Variants in RASEF observed in about 807,000 individuals in gnomAD.
The protein encoded by RASEF is RAS and EF-hand domain containing.
Under a neutral mutation model 90.1 loss-of-function variants are expected in RASEF, and 68 were observed. The ratio of observed to expected loss-of-function variants is 0.75; its 90% CI spans 0.62 to 0.92. The LOEUF (loss-of-function observed/expected upper bound fraction) is 0.92. Among genes scored for constraint, RASEF ranks in the 40% least tolerant of loss-of-function variants. The probability of loss-of-function intolerance (pLI) is 0.00; values close to 1 mark genes in which losing one functional copy is unlikely to be tolerated. For synonymous variants in RASEF, 331 were observed against 345.2 expected (o/e 0.96, Z 0.46); for missense variants, 949 against 937.2 (o/e 1.01, Z -0.16).
the RASEF span, among the ~76,000 whole-genome samples, chr9:83,155,417 T>C: frequency 0.021 from 3,239 of 152,264 alleles, 119 homozygotes; most frequent in African/African-American, 0.073. Flanking sequence ...ATGCCTTACA[T>C]GGCAGCAGAC....
chr9:82,999,326 G>T (rs770311345), intron 12 of RASEF, among the ~76,000 whole-genome samples: 30 of 152,094 alleles, frequency 2.0e-4, no homozygotes, highest in Non-Finnish European at 3.1e-4. Context: ...AATCCATATT[G>T]TCACTTTGTC....
At chr9:83,076,510 C>A in the RASEF span, among the ~76,000 whole-genome samples, 1 of 151,890 alleles carries the variant, frequency 6.6e-6, no homozygotes, top group Non-Finnish European at 1.5e-5. Flanking sequence ...GTTGAGAATG[C>A]CATGCCTTTA....
intron 1 of RASEF, among the ~76,000 whole-genome samples, chr9:83,057,365 G>C (rs950172486): frequency 1.3e-5 from 2 of 152,130 alleles, no homozygotes; most frequent in African/African-American, 4.8e-5. Flanking sequence ...AATCAATGTA[G>C]AAAAATCAGT....
At chr9:83,147,040 GTATATA>G in the RASEF span, among the ~76,000 whole-genome samples, 17 of 143,720 alleles carry the variant, frequency 1.2e-4, no homozygotes, top group African/African-American at 2.6e-4. Flanking sequence ...ATATATATAT[GTATATA>G]TATATATATA....
chr9:83,063,247 C>G (rs1402837191), upstream of RASEF: 1 of 213,244 alleles, frequency 4.7e-6, no homozygotes, highest in Non-Finnish European at 9.2e-6. Context: ...TTCCCACGCC[C>G]CGGAGTCCAC....
chr9:83,205,738 C>T, the RASEF span, among the ~76,000 whole-genome samples: 1 of 152,182 alleles, frequency 6.6e-6, no homozygotes, highest in Non-Finnish European at 1.5e-5. Context: ...ACTGTATACA[C>T]TGGAATGCTA....
upstream of RASEF, among the ~76,000 whole-genome samples, chr9:83,063,981 A>T (rs1189287800): frequency 1.3e-5 from 2 of 152,102 alleles, no homozygotes; most frequent in Non-Finnish European, 1.5e-5. Context: ...GCCTGTGAAG[A>T]TATATTTGGC....
the RASEF span, among the ~76,000 whole-genome samples, chr9:83,199,971 G>A: frequency 6.6e-6 from 1 of 152,226 alleles, no homozygotes; most frequent in African/African-American, 2.4e-5. Context: ...AGGCCTGTCT[G>A]TTGGTATGGA....
intron 3 of RASEF, among the ~76,000 whole-genome samples, chr9:83,017,539 G>A (rs1829366633): frequency 6.6e-6 from 1 of 152,084 alleles, no homozygotes; most frequent in South Asian, 2.1e-4. Flanking sequence ...TTCAATAAAG[G>A]AAATGATCAC....
At chr9:83,087,225 T>C in the RASEF span, among the ~76,000 whole-genome samples, 5 of 152,248 alleles carry the variant, frequency 3.3e-5, no homozygotes, top group East Asian at 9.7e-4. Flanking sequence ...GTGGACGGAA[T>C]TGTGTCCCCC....
At chr9:83,123,837 ATTT>A in the RASEF span, among the ~76,000 whole-genome samples, 1 of 152,240 alleles carries the variant, frequency 6.6e-6, no homozygotes. Context: ...CATTTTTACT[ATTT>A]TTAAGTGTAC....
chr9:83,192,949 T>G, the RASEF span, among the ~76,000 whole-genome samples: 1 of 152,200 alleles, frequency 6.6e-6, no homozygotes, highest in Non-Finnish European at 1.5e-5. Flanking sequence ...TGTTGGCCAA[T>G]GTGCCCAGGA....
chr9:83,120,898 G>A, the RASEF span, among the ~76,000 whole-genome samples: 2 of 152,134 alleles, frequency 1.3e-5, no homozygotes, highest in Non-Finnish European at 2.9e-5. Flanking sequence ...CTGATACGCA[G>A]ACCTACTAGA....
chr9:83,210,015 GTATT>G, the RASEF span, among the ~76,000 whole-genome samples: 248 of 152,322 alleles, frequency 1.6e-3, 1 homozygote, highest in Non-Finnish European at 4.7e-4. Context: ...TTTGAAATAT[GTATT>G]TATGCACTTT....
the RASEF span, among the ~76,000 whole-genome samples, chr9:83,151,299 G>C: frequency 6.6e-6 from 1 of 152,168 alleles, no homozygotes; most frequent in African/African-American, 2.4e-5. Context: ...CACTGATGTG[G>C]AGAATGAATT....
the RASEF span, among the ~76,000 whole-genome samples, chr9:83,130,141 CT>C: frequency 1.3e-5 from 2 of 152,180 alleles, no homozygotes; most frequent in Non-Finnish European, 1.5e-5. Context: ...TGAAGTCAGT[CT>C]TTCTATTTTC....
intron 9 of RASEF, among the ~76,000 whole-genome samples, chr9:83,003,447 A>C (rs1458173018): frequency 6.6e-6 from 1 of 152,218 alleles, no homozygotes; most frequent in African/African-American, 2.4e-5. Context: ...AATACTTTTC[A>C]GTTGTATACC....
At chr9:83,178,752 C>T in the RASEF span, among the ~76,000 whole-genome samples, 1 of 152,268 alleles carries the variant, frequency 6.6e-6, no homozygotes, top group African/African-American at 2.4e-5. Flanking sequence ...GTCCAGCCAC[C>T]TAAACTAGGA....
chr9:83,012,600 G>A, intron 4 of RASEF, 89 bp from the exon 5 acceptor site: 1 of 605,468 alleles, frequency 1.7e-6, no homozygotes, highest in South Asian at 2.8e-5. Context: ...ATACATATGA[G>A]AATTCTAGAA....
Sources: gnomAD v4.1 joint callset for allele counts (sites outside exome capture counted in the v4.1 genomes callset) on GRCh38, gnomAD v4.1.1 for gene constraint, MANE v1.5 for transcripts, NCBI Gene and HGNC (gene_info 2026-07-23, HGNC 2026-07-21) for gene names.